Variants in SLC39A12 observed in about 807,000 individuals in gnomAD.
SLC39A12 encodes the protein zinc transporter ZIP12.
A neutral mutation model predicts 71.1 loss-of-function variants in SLC39A12; 63 were observed. The observed-to-expected ratio is 0.89, with a 90% CI of 0.72 to 1.09. SLC39A12 has a LOEUF of 1.09. Ranked by LOEUF, SLC39A12 falls within the 50% of genes least tolerant of loss-of-function variation. The pLI is 0.00. For missense variants in SLC39A12, 892 were observed against 812.6 expected (o/e 1.10, Z -1.19); for synonymous variants, 351 against 301.3 (o/e 1.16, Z -1.71).
intron 2 of SLC39A12, among the ~76,000 whole-genome samples, chr10:17,959,774 C>T (rs1006891782): frequency 2.6e-5 from 4 of 152,110 alleles, no homozygotes; most frequent in East Asian, 3.9e-4. Context: ...AACATTTATC[C>T]GAATCCCTTA....
chr10:18,036,717 T>C (rs985394153), intron 12 of SLC39A12, among the ~76,000 whole-genome samples: 3 of 144,860 alleles, frequency 2.1e-5, no homozygotes, highest in African/African-American at 5.1e-5. Flanking sequence ...AACTATATCA[T>C]TGGCATCTTG....
At chr10:18,036,746 T>TTATATATATA (rs1195629854) in intron 12 of SLC39A12, among the ~76,000 whole-genome samples, 3 of 37,484 alleles carry the variant, frequency 8.0e-5, no homozygotes, top group Admixed American at 3.1e-4. Context: ...ATTTTAAAAA[T>TTATATATATA]TATATATATA....
chr10:18,016,369 G>A (rs1015430354), intron 12 of SLC39A12, among the ~76,000 whole-genome samples: 2 of 151,984 alleles, frequency 1.3e-5, no homozygotes, highest in African/African-American at 4.8e-5. Flanking sequence ...TTTACAGTTC[G>A]ATAGTTCATT....
In SLC39A12 at chr10:18,000,598, G is replaced by C. The variant is rs1318196616; in HGVS notation, c.1601-69G>C. 8.0e-6 allele frequency: 12 copies of C among 1,497,320 alleles called. No homozygotes were observed. The South Asian group carries it at 1.3e-4, about 16-fold the overall frequency. 92.8% of individuals were successfully genotyped at this position (1,497,320 alleles called of 1,614,324 possible). On this transcript the variant is annotated intron_variant, in intron 10 of 12. Coordinates refer to ENST00000377369, the MANE Select transcript of SLC39A12 (RefSeq NM_001145195.2). ...CAAGTGTAGGTGGGAAGGTTGGTTG[G>C]TTTTGAAGGATTTGGTGAAATATGT... is the stretch of plus-strand genomic sequence containing the variant.
At chr10:17,996,825 G>T (rs1042959610) in intron 10 of SLC39A12, among the ~76,000 whole-genome samples, 1 of 151,992 alleles carries the variant, frequency 6.6e-6, no homozygotes, top group East Asian at 1.9e-4. Context: ...GTGAAACCCC[G>T]TCTCTACTAA....
intron 10 of SLC39A12, among the ~76,000 whole-genome samples, chr10:17,998,681 C>G (rs12415053): frequency 0.29 from 44,782 of 152,042 alleles, 7,643 homozygotes; most frequent in Non-Finnish European, 0.39. Context: ...TCTAAATACC[C>G]ATGATTTTTA....
rs111821500 is a variant in SLC39A12 at position 18,042,870 on chromosome 10, A to G, written c.*37A>G. 1.9e-6 allele frequency: 3 copies of G among 1,572,646 alleles called. No homozygotes were observed. The highest frequency in any genetic ancestry group is 3.6e-5 in the Admixed American group (2 of 54,856). On this transcript the variant is annotated 3_prime_UTR_variant, in exon 13 of 13. Transcript: ENST00000377369. The stretch of plus-strand genomic sequence containing the variant: ...CAACATCTTTCAAAAATGCATTTAT[A>G]TAGTCTTACTTTGTTTCTTTCATTG...
chr10:17,974,148 T>C (rs901417482), intron 4 of SLC39A12, among the ~76,000 whole-genome samples: 2 of 152,148 alleles, frequency 1.3e-5, no homozygotes, highest in African/African-American at 4.8e-5. Flanking sequence ...TTTATCTGAG[T>C]TCTGAATTCC....
At chr10:18,023,091 C>T (rs2130878615) in intron 12 of SLC39A12, among the ~76,000 whole-genome samples, 1 of 152,186 alleles carries the variant, frequency 6.6e-6, no homozygotes, top group South Asian at 2.1e-4. Context: ...TCAGCTTGGC[C>T]CTCTGGGGCT....
At chr10:17,970,096 T>G (rs1834930561) in intron 4 of SLC39A12, among the ~76,000 whole-genome samples, 2 of 152,220 alleles carry the variant, frequency 1.3e-5, no homozygotes, top group South Asian at 4.1e-4. Flanking sequence ...TGAGTTCACT[T>G]TAGGTGTGTG....
intron 10 of SLC39A12, among the ~76,000 whole-genome samples, chr10:17,999,163 T>A (rs1462060071): frequency 1.3e-5 from 2 of 151,730 alleles, no homozygotes; most frequent in African/African-American, 4.8e-5. Context: ...GCAGGCATAG[T>A]GGCATGTGCC....
intron 4 of SLC39A12, among the ~76,000 whole-genome samples, chr10:17,971,975 A>C (rs1260017354): frequency 1.3e-5 from 2 of 152,130 alleles, no homozygotes; most frequent in African/African-American, 2.4e-5. Flanking sequence ...TATAGCTATA[A>C]ACTTTCCTCT....
chr10:18,035,646 C>T, intron 12 of SLC39A12, among the ~76,000 whole-genome samples: 1 of 152,230 alleles, frequency 6.6e-6, no homozygotes, highest in East Asian at 1.9e-4. Flanking sequence ...CTTCTCTCAG[C>T]TCGTCAAAGT....
chr10:17,991,351 C>A, intron 8 of SLC39A12, 48 bp downstream of exon 8: 1 of 1,435,572 alleles, frequency 7.0e-7, no homozygotes, highest in Non-Finnish European at 9.3e-7. Context: ...TCTTATAATA[C>A]ATTCATCTGT....
intron 9 of SLC39A12, 75 bp from the exon 10 acceptor site, chr10:17,995,581 C>T (rs927462671): frequency 7.3e-6 from 10 of 1,368,706 alleles, no homozygotes; most frequent in Non-Finnish European, 1.0e-5. Context: ...CCATGTAACT[C>T]TCCAGATGTT....
At position 18,021,137 on chromosome 10, in the gene SLC39A12, G is replaced by T. The variant is rs199574561; in HGVS notation, c.1947+17779G>T. Among the ~76,000 whole-genome samples the T allele has an allele frequency of 4.0e-5, 6 of 151,898 alleles. No individual in the cohort carries two copies. In the East Asian group the frequency reaches 1.2e-3, roughly 29 times the overall value. On this transcript the variant is annotated intron_variant, in intron 12 of 12. Transcript: ENST00000377369. ...TTAAGTCTTTAATCCATCTCAAGTT[G>T]ATTTTTGTATATGGTGAAAGGGGAG...
chr10:18,017,196 T>C (rs1439644399), intron 12 of SLC39A12, among the ~76,000 whole-genome samples: 2 of 152,224 alleles, frequency 1.3e-5, no homozygotes, highest in East Asian at 3.8e-4. Flanking sequence ...CTTTAGCATC[T>C]TGCCTGAAAA....
intron 12 of SLC39A12, among the ~76,000 whole-genome samples, chr10:18,025,091 AGTTG>A (rs1317167150): frequency 6.6e-6 from 1 of 152,188 alleles, no homozygotes; most frequent in African/African-American, 2.4e-5. Flanking sequence ...GTGATTGCTT[AGTTG>A]AATCAATATC....
At chr10:18,022,223 A>G (rs548448709) in intron 12 of SLC39A12, among the ~76,000 whole-genome samples, 26 of 152,168 alleles carry the variant, frequency 1.7e-4, no homozygotes, top group South Asian at 1.2e-3. Flanking sequence ...ATGTTTTCCA[A>G]TTTGCTTGCT....
Sources: allele counts gnomAD v4.1 joint callset (sites outside exome capture counted in the v4.1 genomes callset), GRCh38; gene constraint gnomAD v4.1.1; transcripts MANE v1.5; gene names NCBI Gene and HGNC (gene_info 2026-07-23, HGNC 2026-07-21).